LIM2: variants seen among roughly 807,000 people sequenced by gnomAD.
LIM2 encodes lens intrinsic membrane protein 2, also known as lens fiber membrane intrinsic protein.
Under a neutral mutation model 19.0 loss-of-function variants are expected in LIM2, and 14 were observed. The ratio of observed to expected loss-of-function variants is 0.74; its 90% CI spans 0.49 to 1.15. The LOEUF (loss-of-function observed/expected upper bound fraction) is 1.15. Ranked by LOEUF, LIM2 falls within the 50% of genes most tolerant of loss-of-function variation. The pLI is 0.00. For missense variants in LIM2, 230 were observed against 243.5 expected, an observed-to-expected ratio of 0.94 and a Z score of 0.37; for synonymous variants, 78 against 89.6, an observed-to-expected ratio of 0.87 and a Z score of 0.73.
chr19:51,383,020 T>C (rs933300445), intron 2 of LIM2, among the ~76,000 whole-genome samples: 1 of 139,262 alleles, frequency 7.2e-6, no homozygotes, highest in Non-Finnish European at 1.5e-5. Context: ...TTCTTTTTTT[T>C]TCTTTTCTTT....
intron 2 of LIM2, among the ~76,000 whole-genome samples, chr19:51,386,451 T>C (rs1422870802): frequency 6.8e-6 from 1 of 147,016 alleles, no homozygotes; most frequent in African/African-American, 2.5e-5. Flanking sequence ...ATATAATAAG[T>C]GTGCAATATA....
Position 51,387,244 on chromosome 19 carries a change from C to G in LIM2, c.175+25G>C, listed in dbSNP as rs748231869. ...CGCCCTGCTCTTTCCCCAGGCGCGGCCTGGACCCTGGCCGGGGGGCTCACC... is the reference window on the plus strand; with the variant it reads ...CGCCCTGCTCTTTCCCCAGGCGCGGGCTGGACCCTGGCCGGGGGGCTCACC... On this transcript the variant is annotated intron_variant, in intron 2 of 4. Coordinates refer to ENST00000596399, the MANE Select transcript of LIM2 (RefSeq NM_001161748.2). The G allele has an allele frequency of 1.9e-6, 3 of 1,614,230 alleles. No individual in the cohort carries two copies. The South Asian group carries it at 3.3e-5, about 18-fold the overall frequency.
chr19:51,382,098 G>A (rs1031512666), intron 3 of LIM2, among the ~76,000 whole-genome samples: 13 of 152,188 alleles, frequency 8.5e-5, no homozygotes, highest in Non-Finnish European at 1.8e-4. Flanking sequence ...CAAAAGCATG[G>A]GTGGCCCAGG....
At chr19:51,384,994 C>T (rs1274820030) in intron 2 of LIM2, among the ~76,000 whole-genome samples, 1 of 152,126 alleles carries the variant, frequency 6.6e-6, no homozygotes, top group Admixed American at 6.5e-5. Flanking sequence ...TTCTGAGCAG[C>T]TGGGGCCACG....
intron 3 of LIM2, among the ~76,000 whole-genome samples, chr19:51,381,982 C>A (rs1178215680): frequency 6.6e-6 from 1 of 152,216 alleles, no homozygotes; most frequent in African/African-American, 2.4e-5. Context: ...CCTGCCTCGG[C>A]CTCCCAAAGT....
chr19:51,380,163 C>G lies in LIM2; in HGVS notation c.*38G>C. The G allele has an allele frequency of 6.2e-7, 1 of 1,605,962 alleles. No homozygotes were observed. The highest frequency in any genetic ancestry group is 8.5e-7 in the Non-Finnish European group (1 of 1,173,778). ...CTCCTCCTCCTCTTCAGTGGCCTCA[C>G]TTTAACTTCCAGATGAAGTTGGGGG... On this transcript the variant is annotated 3_prime_UTR_variant, in exon 5 of 5. Transcript: ENST00000596399.
At chr19:51,382,927 C>A (rs1986936112) in intron 2 of LIM2, among the ~76,000 whole-genome samples, 1 of 151,840 alleles carries the variant, frequency 6.6e-6, no homozygotes, top group Non-Finnish European at 1.5e-5. Context: ...TGCATTCTGG[C>A]CTTGGGAAAT....
intron 2 of LIM2, among the ~76,000 whole-genome samples, chr19:51,384,710 A>G (rs1416955558): frequency 6.6e-6 from 1 of 152,116 alleles, no homozygotes; most frequent in East Asian, 1.9e-4. Context: ...TCTGTTGTTC[A>G]AGCCACCCAG....
At chr19:51,383,244 A>G (rs1986949219) in intron 2 of LIM2, among the ~76,000 whole-genome samples, 1 of 152,206 alleles carries the variant, frequency 6.6e-6, no homozygotes, top group African/African-American at 2.4e-5. Flanking sequence ...CATGTTGGCC[A>G]GGCTGGTCTC....
rs960634339 is a variant in LIM2, at chr19:51,379,971, A to G, written c.*230T>C. On this transcript the variant is annotated 3_prime_UTR_variant, in exon 5 of 5. Coordinates refer to ENST00000596399, the MANE Select transcript of LIM2 (RefSeq NM_001161748.2). ...CTCTAATGGATAGTCCATTTTTCTAACAACCTGCCAGGCAGACGGGGACTT... is the reference window on the plus strand; with the variant it reads ...CTCTAATGGATAGTCCATTTTTCTAGCAACCTGCCAGGCAGACGGGGACTT... The G allele has an allele frequency of 5.0e-6, 3 of 599,130 alleles. No homozygotes were observed. The highest frequency in any genetic ancestry group is 3.0e-5 in the Admixed American group (1 of 33,848). 37.1% of individuals were successfully genotyped at this position (599,130 alleles called of 1,614,324 possible).
intron 2 of LIM2, among the ~76,000 whole-genome samples, chr19:51,385,241 G>A (rs1411664891): frequency 6.6e-6 from 1 of 152,146 alleles, no homozygotes; most frequent in Non-Finnish European, 1.5e-5. Context: ...AAATAATGAG[G>A]CCAAGTTCGG....
chr19:51,385,384 G>A (rs894795248), intron 2 of LIM2, among the ~76,000 whole-genome samples: 4 of 152,124 alleles, frequency 2.6e-5, no homozygotes, highest in Non-Finnish European at 4.4e-5. Flanking sequence ...AGCCAGGCAT[G>A]GTTTTGGGCG....
intron 1 of LIM2, 62 bp downstream of exon 1, chr19:51,387,857 G>A (rs774614615): frequency 8.2e-6 from 2 of 242,752 alleles, no homozygotes; most frequent in Non-Finnish European, 8.2e-6. Flanking sequence ...AGAAGGAGCT[G>A]GGACCCTAGA....
Position 51,387,333 on chromosome 19 carries a change from G to T in LIM2, c.111C>A (p.Phe37Leu). ...AGTACCGCCACAGGCCCTGGTGGGC[G>T]AAGGACCCTGACAGCCGGTACTGCA... ...HWMQYRLSGSFAHQGLWRYCL... is the reference protein window; with the variant it reads ...HWMQYRLSGSLAHQGLWRYCL... Residue 37 changes from phenylalanine (F) to leucine (L), a missense_variant, in exon 2 of 5, where the codon TTC (phenylalanine) becomes TTA (leucine). Phe to Leu is a conservative substitution (Grantham distance 22, BLOSUM62 0). Transcript: ENST00000596399. The T allele has an allele frequency of 6.2e-7, 1 of 1,614,158 alleles. No individual in the cohort carries two copies. The highest frequency in any genetic ancestry group is 8.5e-7 in the Non-Finnish European group (1 of 1,180,046).
At position 51,382,511 on chromosome 19, in the gene LIM2, C is replaced by G; in HGVS notation, c.232G>C (p.Gly78Arg). 1 of 1,613,842 alleles carries G rather than the reference C, an allele frequency of 6.2e-7. No individual in the cohort carries two copies. Among genetic ancestry groups the G allele is most frequent in the Non-Finnish European group, 8.5e-7 (1 of 1,179,914 alleles). Reference sequence around the variant, plus strand: ...AAGGCCATGATGCCCATGATGATGCCGGAGATGGCGCATAGGGCAGACAGG... The same window carrying G: ...AAGGCCATGATGCCCATGATGATGCGGGAGATGGCGCATAGGGCAGACAGG... Reference protein sequence around the residue: ...MILSALCAISGIIMGIMAFAH... With the variant: ...MILSALCAISRIIMGIMAFAH... Residue 78 changes from glycine to arginine, a missense_variant, in exon 3 of 5, where the codon GGC becomes CGC. Transcript: ENST00000596399.
Position 51,382,533 on chromosome 19 carries a change from C to G in LIM2, c.210G>C (p.Leu70=), listed in dbSNP as rs763940081. 6.2e-7 allele frequency: 1 copy of G among 1,613,884 alleles called. No individual in the cohort carries two copies. Among genetic ancestry groups the G allele is most frequent in the Non-Finnish European group, 8.5e-7 (1 of 1,179,914 alleles). ...YWNATRAFMI[L]SALCAISGII... The stretch of plus-strand genomic sequence containing the variant: ...TGCCGGAGATGGCGCATAGGGCAGA[C>G]AGGATCATGAAGGCCCGGGTGGCAT... The change falls in exon 3 of 5, where the codon CTG becomes CTC. Residue 70 remains leucine (L), a synonymous_variant. Coordinates refer to ENST00000596399, the MANE Select transcript of LIM2 (RefSeq NM_001161748.2).
chr19:51,386,457 A>G (rs1260543233), intron 2 of LIM2, among the ~76,000 whole-genome samples: 1 of 143,376 alleles, frequency 7.0e-6, no homozygotes, highest in Non-Finnish European at 1.5e-5. Flanking sequence ...TAAGTGTGCA[A>G]TATAATATAC....
rs1226170257 is a variant in LIM2, at chr19:51,382,360, A to T, written c.325+58T>A. 7.5e-6 allele frequency: 12 copies of T among 1,591,276 alleles called. No homozygotes were observed. The African/African-American group carries it at 1.2e-4, about 16-fold the overall frequency. ...GAGAATGGTGTTGAGGGGTGGGGACAGATTGGGGTTTGAGATGAGAGCGAG... is the reference window on the plus strand; with the variant it reads ...GAGAATGGTGTTGAGGGGTGGGGACTGATTGGGGTTTGAGATGAGAGCGAG... On this transcript the variant is annotated intron_variant, in intron 3 of 4. Coordinates refer to ENST00000596399, the MANE Select transcript of LIM2 (RefSeq NM_001161748.2).
intron 4 of LIM2, 44 bp from the exon 5 acceptor site, chr19:51,380,306 A>G (rs1986860319): frequency 1.9e-6 from 3 of 1,606,482 alleles, no homozygotes; most frequent in Non-Finnish European, 2.6e-6. Flanking sequence ...AACCTCCCCC[A>G]GCTCCATTTC....
Sources: gnomAD v4.1 joint callset for allele counts (sites outside exome capture counted in the v4.1 genomes callset) on GRCh38, gnomAD v4.1.1 for gene constraint, MANE v1.5 for transcripts, NCBI Gene and HGNC (gene_info 2026-07-23, HGNC 2026-07-21) for gene names.